The following NBEA variants were observed in gnomAD, a reference collection of about 807,000 sequenced individuals.
The protein encoded by NBEA is neurobeachin, also known as lysosomal-trafficking regulator 2.
In NBEA, 44 loss-of-function variants were observed where a neutral mutation model predicts 343.4. That is an observed-to-expected ratio of 0.13 (90% confidence interval 0.10 to 0.16). The LOEUF (loss-of-function observed/expected upper bound fraction) is 0.16, where lower values mean the gene tolerates loss of function less well. NBEA is among the 10% of genes least tolerant of loss of function. The pLI, the probability that NBEA is intolerant of heterozygous loss-of-function variation, is 1.00. For missense variants in NBEA, 2,555 were observed against 3,631.3 expected (o/e 0.70, Z 7.62); for synonymous variants, 1,175 against 1,238.7 (o/e 0.95, Z 1.08).
At chr13:35,428,648 A>G (rs2044875892) in intron 38 of NBEA, among the ~76,000 whole-genome samples, 1 of 152,026 alleles carries the variant, frequency 6.6e-6, no homozygotes, top group South Asian at 2.1e-4. Context: ...AAGCATTTTC[A>G]TAATTGCTTA....
chr13:35,403,829 T>G (rs1219883686), intron 38 of NBEA, among the ~76,000 whole-genome samples: 1 of 151,878 alleles, frequency 6.6e-6, no homozygotes, highest in Non-Finnish European at 1.5e-5. Flanking sequence ...ACCTACAAAA[T>G]GGGAGAAAAT....
intron 36 of NBEA, among the ~76,000 whole-genome samples, chr13:35,347,666 CCCTCCTCTTCCTCCT>C (rs1271231601): frequency 3.3e-5 from 5 of 151,652 alleles, no homozygotes; most frequent in South Asian, 2.1e-4. Context: ...TATTATCTTC[CCCTCCTCTTCCTCCT>C]CCTCCTCTTC....
At chr13:35,116,500 G>T (rs2066497198) in intron 13 of NBEA, among the ~76,000 whole-genome samples, 1 of 152,130 alleles carries the variant, frequency 6.6e-6, no homozygotes, top group African/African-American at 2.4e-5. Context: ...GTGGAGAGCA[G>T]TCTGGGAAAT....
chr13:34,983,097 G>A, intron 1 of NBEA, among the ~76,000 whole-genome samples: 1 of 152,214 alleles, frequency 6.6e-6, no homozygotes, highest in Non-Finnish European at 1.5e-5. Flanking sequence ...AGGTATACAT[G>A]TGCCATGTTG....
chr13:35,341,670 G>A (rs891396578), intron 36 of NBEA, among the ~76,000 whole-genome samples: 11 of 151,910 alleles, frequency 7.2e-5, no homozygotes, highest in Admixed American at 2.0e-4. Flanking sequence ...CAAAACCACA[G>A]TAAGATACCA....
chr13:35,288,173 A>G (rs1355904223), intron 34 of NBEA, among the ~76,000 whole-genome samples: 1 of 152,036 alleles, frequency 6.6e-6, no homozygotes, highest in African/African-American at 2.4e-5. Flanking sequence ...TGTCTCATGC[A>G]TATACAGCTT....
At chr13:35,307,918 T>C (rs560648310) in intron 35 of NBEA, among the ~76,000 whole-genome samples, 19 of 152,178 alleles carry the variant, frequency 1.2e-4, no homozygotes, top group African/African-American at 4.3e-4. Context: ...CAGTAAGTTC[T>C]GTACAATGGA....
At chr13:34,967,618 T>C (rs999774045) in intron 1 of NBEA, among the ~76,000 whole-genome samples, 4 of 152,032 alleles carry the variant, frequency 2.6e-5, no homozygotes, top group Non-Finnish European at 5.9e-5. Flanking sequence ...ACCAAAAATG[T>C]GTGAAACAGG....
At chr13:35,225,374 C>T (rs536603916) in intron 33 of NBEA, among the ~76,000 whole-genome samples, 3 of 152,192 alleles carry the variant, frequency 2.0e-5, no homozygotes, top group African/African-American at 7.2e-5. Context: ...TCCTACTGTG[C>T]CCCAAAAGTG....
chr13:35,492,651 G>A (rs2076542123), intron 41 of NBEA, among the ~76,000 whole-genome samples: 1 of 151,940 alleles, frequency 6.6e-6, no homozygotes, highest in African/African-American at 2.4e-5. Context: ...ACAGTGGAGG[G>A]TGAGATGTTG....
At chr13:35,666,844 T>C (rs1025342568) in intron 56 of NBEA, among the ~76,000 whole-genome samples, 2 of 152,196 alleles carry the variant, frequency 1.3e-5, no homozygotes, top group Non-Finnish European at 2.9e-5. Flanking sequence ...AAAGACAAAA[T>C]ATCTTTCTGT....
intron 38 of NBEA, among the ~76,000 whole-genome samples, chr13:35,399,165 C>T (rs1181988994): frequency 6.6e-6 from 1 of 152,074 alleles, no homozygotes; most frequent in Non-Finnish European, 1.5e-5. Flanking sequence ...TAGGGCTTTG[C>T]TCTGGATTAG....
At position 35,155,796 on chromosome 13, in the gene NBEA, C is replaced by T. The variant is rs2069133266; in HGVS notation, c.2468C>T (p.Thr823Ile). 2 of 1,610,922 alleles carry T rather than the reference C, an allele frequency of 1.2e-6. No individual in the cohort carries two copies. The highest frequency in any genetic ancestry group is 2.2e-5 in the East Asian group (1 of 44,818). The change falls in exon 19 of 59, where the codon ACT becomes ATT. Residue 823 changes from threonine (T) to isoleucine (I), a missense_variant. Coordinates refer to ENST00000379939, the MANE Select transcript of NBEA (RefSeq NM_001385012.1). ...CAGATCTTGACAGAACAAGTATGTA[C>T]TCAGGTCGTACACAAACCACATCCA... ...LYEILTEQVC[T>I]QVVHKPHPEP...
chr13:35,646,605 T>A (rs1363950671), intron 51 of NBEA, among the ~76,000 whole-genome samples: 1 of 152,164 alleles, frequency 6.6e-6, no homozygotes, highest in African/African-American at 2.4e-5. Context: ...CTACATAAAC[T>A]CATTCATGCA....
At chr13:35,003,925 G>A (rs2061230220) in intron 1 of NBEA, among the ~76,000 whole-genome samples, 1 of 152,064 alleles carries the variant, frequency 6.6e-6, no homozygotes, top group East Asian at 1.9e-4. Flanking sequence ...TTATCCTGAT[G>A]CTCTCCCTCC....
chr13:35,636,510 T>C (rs1442124644), intron 49 of NBEA, among the ~76,000 whole-genome samples: 1 of 152,184 alleles, frequency 6.6e-6, no homozygotes, highest in Admixed American at 6.5e-5. Context: ...CAAACAAATC[T>C]ATTTCAGCTT....
intron 48 of NBEA, among the ~76,000 whole-genome samples, chr13:35,613,629 T>C (rs2082616807): frequency 6.6e-6 from 1 of 152,066 alleles, no homozygotes; most frequent in Non-Finnish European, 1.5e-5. Context: ...TGTTTGTTTG[T>C]TTGTTTGTTT....
rs754948109 is a variant in NBEA, at chr13:35,551,569, A to C, written c.6806+537A>C. On this transcript the variant is annotated intron_variant, in intron 43 of 58. Coordinates refer to ENST00000379939, the MANE Select transcript of NBEA (RefSeq NM_001385012.1). ...ATTAAAAGATACTAATGTAAGTAGAAAACATAATCAGTAGTTACTTATATT... is the reference window on the plus strand; with the variant it reads ...ATTAAAAGATACTAATGTAAGTAGACAACATAATCAGTAGTTACTTATATT... Among the ~76,000 whole-genome samples the C allele has an allele frequency of 2.0e-5, 3 of 152,212 alleles. No individual in the cohort carries two copies. The East Asian group carries it at 5.8e-4, about 29-fold the overall frequency.
chr13:35,258,166 T>C (rs959385934), intron 34 of NBEA, among the ~76,000 whole-genome samples: 1 of 151,352 alleles, frequency 6.6e-6, no homozygotes, highest in Admixed American at 6.6e-5. Context: ...ACACAGTCTT[T>C]GTCATTTTTT....
Sources: gnomAD v4.1 joint callset for allele counts (sites outside exome capture counted in the v4.1 genomes callset) on GRCh38, gnomAD v4.1.1 for gene constraint, MANE v1.5 for transcripts, NCBI Gene and HGNC (gene_info 2026-07-23, HGNC 2026-07-21) for gene names.